Variants in KLF18 observed in about 807,000 individuals in gnomAD.
The protein encoded by KLF18 is KLF transcription factor 18.
rs182198560 is a variant in KLF18 at position 44,139,574 on chromosome 1, C to G, written c.2058G>C (p.Met686Ile). The change falls in exon 1 of 2, where the codon ATG becomes ATC. Residue 686 changes from methionine to isoleucine, a missense_variant. Met to Ile is a conservative substitution (Grantham distance 10). Transcript: ENST00000634670. ...GGGTCTGGTTACTAGTGGAGGTCGT[C>G]ATCTGCCCCCCGTAGAGGGCCTGGT... ...TGNQALYGGQ[M>I]TTSTSNQTLC... The G allele has an allele frequency of 7.2e-3, 2,808 of 387,454 alleles. 94 individuals are homozygous for G. The highest frequency in any genetic ancestry group is 0.054 in the East Asian group (1,390 of 25,878). The allele number at this position is 387,454 out of a possible 1,614,324, so 24.0% of individuals were successfully genotyped here.
At position 44,139,226 on chromosome 1, in the gene KLF18, AGTGGAG is replaced by A. The variant is rs1643203383; in HGVS notation, c.2400_2405del (p.Ser801_Thr802del). 2.5e-6 allele frequency: 1 copy of A among 396,116 alleles called. No homozygotes were observed. The highest frequency in any genetic ancestry group is 2.1e-5 in the African/African-American group (1 of 47,800). The allele number at this position is 396,116 out of a possible 1,614,324, so 24.5% of individuals were successfully genotyped here. A position where few individuals can be genotyped will look rare whatever the true frequency, so the allele number is the denominator to read the frequency against. On this transcript the variant is annotated inframe_deletion, in exon 1 of 2. Coordinates refer to ENST00000634670, the MANE Select transcript of KLF18 (RefSeq NM_001358438.1). Reference sequence around the variant, plus strand: ...GCCCCCTGTAGAGGGCCTGGTTACCAGTGGAGGTCGTCACCTGCTCCCCACAGAGGG... The same window carrying A: ...GCCCCCTGTAGAGGGCCTGGTTACCAGTCGTCACCTGCTCCCCACAGAGGG...
Position 44,138,855 on chromosome 1 carries a change from AATG to A in KLF18, c.2774_2776del (p.Ser925del). On this transcript the variant is annotated inframe_deletion, in exon 1 of 2. Coordinates refer to ENST00000634670, the MANE Select transcript of KLF18 (RefSeq NM_001358438.1). ...AAAGCATAGGAATCCTGGGTATGGC[AATG>A]ATGAGAACTGATGGGACATCATATA... The A allele has an allele frequency of 2.5e-6, 1 of 398,624 alleles. No individual in the cohort carries two copies. Among genetic ancestry groups the A allele is most frequent in the Admixed American group, 4.4e-5 (1 of 22,738 alleles). The allele number at this position is 398,624 out of a possible 1,614,324, so 24.7% of individuals were successfully genotyped here. A position where few individuals can be genotyped will look rare whatever the true frequency, so the allele number is the denominator to read the frequency against.
In KLF18 at chr1:44,140,853, G is replaced by T. The variant is rs1223199676; in HGVS notation, c.779C>A (p.Thr260Asn). The T allele has an allele frequency of 2.8e-5, 11 of 386,624 alleles. No individual in the cohort carries two copies. In the Admixed American group the frequency reaches 5.0e-4, roughly 17 times the overall value. The allele number at this position is 386,624 out of a possible 1,614,324, so 23.9% of individuals were successfully genotyped here. A position where few individuals can be genotyped will look rare whatever the true frequency, so the allele number is the denominator to read the frequency against. Residue 260 changes from threonine to asparagine, a missense_variant, in exon 1 of 2, where the codon ACC becomes AAC. Thr to Asn is a moderately conservative substitution (Grantham distance 65). Transcript: ENST00000634670. ...RQMTTSTGNQTLCGEQMTTST... is the reference protein window; with the variant it reads ...RQMTTSTGNQNLCGEQMTTST... ...GGTTGTCATCTGCTCTCCACAGAGG[G>T]TCTGGTTACCAGTGGAGGTCGTCAT...
rs1287158869 is a variant in KLF18, at chr1:44,141,052, G to A, written c.580C>T (p.Leu194Phe). The change falls in exon 1 of 2, where the codon CTC becomes TTC. Residue 194 changes from leucine to phenylalanine, a missense_variant. Coordinates refer to ENST00000634670, the MANE Select transcript of KLF18 (RefSeq NM_001358438.1). ...DQVTFSSDQT[L>F]TDGHTVTSGS... The stretch of plus-strand genomic sequence containing the variant: ...GAAGTCACTGTATGACCATCAGTGA[G>A]GGTCTGGTCACTACTGAAGGTCACC... 1.0e-5 allele frequency: 4 copies of A among 398,432 alleles called. No individual in the cohort carries two copies. Among genetic ancestry groups the A allele is most frequent in the Admixed American group, 8.8e-5 (2 of 22,702 alleles). The allele number at this position is 398,432 out of a possible 1,614,324, so 24.7% of individuals were successfully genotyped here. A position where few individuals can be genotyped will look rare whatever the true frequency, so the allele number is the denominator to read the frequency against.
Position 44,140,641 on chromosome 1 carries a change from G to A in KLF18, c.991C>T (p.Leu331Phe). The change falls in exon 1 of 2, where the codon CTC (leucine) becomes TTC (phenylalanine). Residue 331 changes from leucine to phenylalanine, a missense_variant. Physicochemically the swap from Leu to Phe is conservative, Grantham distance 22. Transcript: ENST00000634670. ...GAGGTCATCATCTGCCCCCCATAGA[G>A]GTTCTGGTTACCAGTGGAGGTCGTC... Reference protein sequence around the residue: ...QMTTSTGNQNLYGGQMMTSTG... With the variant: ...QMTTSTGNQNFYGGQMMTSTG... The A allele has an allele frequency of 2.6e-6, 1 of 385,528 alleles. No individual in the cohort carries two copies. Among genetic ancestry groups the A allele is most frequent in the Non-Finnish European group, 4.5e-6 (1 of 221,764 alleles). 23.9% of individuals were successfully genotyped at this position (385,528 alleles called of 1,614,324 possible).
Position 44,139,611 on chromosome 1 carries a change from G to T in KLF18, c.2021C>A (p.Thr674Asn). The T allele has an allele frequency of 2.5e-6, 1 of 397,904 alleles. No homozygotes were observed. The highest frequency in any genetic ancestry group is 4.4e-6 in the Non-Finnish European group (1 of 226,156). 24.6% of individuals were successfully genotyped at this position (397,904 alleles called of 1,614,324 possible). Residue 674 changes from threonine to asparagine, a missense_variant, in exon 1 of 2, where the codon ACC (threonine) becomes AAC (asparagine). By Grantham distance (65) the Thr-to-Asn change is moderately conservative. Coordinates refer to ENST00000634670, the MANE Select transcript of KLF18 (RefSeq NM_001358438.1). Reference protein sequence around the residue: ...NQALCGEQMTTSTGNQALYGG... With the variant: ...NQALCGEQMTNSTGNQALYGG... Reference sequence around the variant, plus strand: ...GTAGAGGGCCTGGTTACCAGTGGAGGTTGTCATCTGCTCTCCACAGAGGGC... The same window carrying T: ...GTAGAGGGCCTGGTTACCAGTGGAGTTTGTCATCTGCTCTCCACAGAGGGC...
In KLF18 at chr1:44,137,858, T is replaced by C; in HGVS notation, c.3122A>G (p.Gln1041Arg). 2.5e-6 allele frequency: 1 copy of C among 398,624 alleles called. No homozygotes were observed. The highest frequency in any genetic ancestry group is 3.6e-5 in the East Asian group (1 of 28,062). 24.7% of individuals were successfully genotyped at this position (398,624 alleles called of 1,614,324 possible). Residue 1041 changes from glutamine to arginine, a missense_variant, in exon 2 of 2, where the codon CAG becomes CGG. Transcript: ENST00000634670. ...KNFARSDHLKQHAKVHNIRPG... is the reference protein window; with the variant it reads ...KNFARSDHLKRHAKVHNIRPG... The stretch of plus-strand genomic sequence containing the variant: ...GCGAATGTTGTGGACCTTTGCATGC[T>C]GCTTTAGGTGATCAGATCTTGCAAA...
intron 1 of KLF18, among the ~76,000 whole-genome samples, chr1:44,138,337 A>T (rs1643186062): frequency 6.6e-6 from 1 of 152,184 alleles, no homozygotes; most frequent in South Asian, 2.1e-4. Flanking sequence ...GTCACTACGA[A>T]GTGACGGTCC....
In KLF18 at chr1:44,140,453, C is replaced by T. The variant is rs1643227653; in HGVS notation, c.1179G>A (p.Met393Ile). 6.5e-6 allele frequency: 2 copies of T among 308,400 alleles called. No individual in the cohort carries two copies. Among genetic ancestry groups the T allele is most frequent in the South Asian group, 2.4e-4 (1 of 4,190 alleles). 19.1% of individuals were successfully genotyped at this position (308,400 alleles called of 1,614,324 possible). Residue 393 changes from methionine to isoleucine, a missense_variant, in exon 1 of 2, where the codon ATG becomes ATA. Transcript: ENST00000634670. ...GNQNLYGGQM[M>I]TSTGNQTLYW... Reference sequence around the variant, plus strand: ...AGAGGGTCTGGTTACCAGTGGAGGTCATCATCTGCCCCCCATAGAGGTTCT... The same window carrying T: ...AGAGGGTCTGGTTACCAGTGGAGGTTATCATCTGCCCCCCATAGAGGTTCT...
Position 44,139,181 on chromosome 1 carries a change from AC to A in KLF18, c.2450del (p.Ser817IlefsTer10), listed in dbSNP as rs1643202823. 2.5e-6 allele frequency: 1 copy of A among 395,284 alleles called. No homozygotes were observed. The highest frequency in any genetic ancestry group is 2.1e-5 in the African/African-American group (1 of 47,450). The allele number at this position is 395,284 out of a possible 1,614,324, so 24.5% of individuals were successfully genotyped here. A position where few individuals can be genotyped will look rare whatever the true frequency, so the allele number is the denominator to read the frequency against. On this transcript the variant is annotated frameshift_variant, in exon 1 of 2. Coordinates refer to ENST00000634670, the MANE Select transcript of KLF18 (RefSeq NM_001358438.1). LOFTEE classifies it high-confidence loss of function. ...LYRGQITTST[S>X]NQTLCGEQMT... ...TCTGCTCTCCACAGAGGGTCTGGTTACTAGTGGAGGTCGTGATCTGCCCCCT... is the reference window on the plus strand; with the variant it reads ...TCTGCTCTCCACAGAGGGTCTGGTTATAGTGGAGGTCGTGATCTGCCCCCT...
In KLF18 at chr1:44,138,766, T is replaced by C; in HGVS notation, c.2866A>G (p.Lys956Glu). 2.5e-6 allele frequency: 1 copy of C among 398,666 alleles called. No individual in the cohort carries two copies. The highest frequency in any genetic ancestry group is 4.4e-6 in the Non-Finnish European group (1 of 226,088). 24.7% of individuals were successfully genotyped at this position (398,666 alleles called of 1,614,324 possible). ...TAGGGCCTTGAAACCTCAGGATTCT[T>C]CCAGAACTGGCAGCTCTGTGTCTTC... ...KQKTQSCQFW[K>E]NPEVSRPYVC... The change falls in exon 1 of 2, where the codon AAG (lysine) becomes GAG (glutamate). Residue 956 changes from lysine (K) to glutamate (E), a missense_variant. By Grantham distance (56) the Lys-to-Glu change is moderately conservative. Coordinates refer to ENST00000634670, the MANE Select transcript of KLF18 (RefSeq NM_001358438.1).
At position 44,141,041 on chromosome 1, in the gene KLF18, A is replaced by G. The variant is rs1233087233; in HGVS notation, c.591T>C (p.Gly197=). ...CATCGCTACCGGAAGTCACTGTATGACCATCAGTGAGGGTCTGGTCACTAC... is the reference window on the plus strand; with the variant it reads ...CATCGCTACCGGAAGTCACTGTATGGCCATCAGTGAGGGTCTGGTCACTAC... ...TFSSDQTLTD[G]HTVTSGSDET... The change falls in exon 1 of 2, where the codon GGT becomes GGC. Residue 197 remains glycine, a synonymous_variant. Coordinates refer to ENST00000634670, the MANE Select transcript of KLF18 (RefSeq NM_001358438.1). The G allele has an allele frequency of 2.5e-6, 1 of 398,216 alleles. No homozygotes were observed. Among genetic ancestry groups the G allele is most frequent in the Non-Finnish European group, 4.4e-6 (1 of 226,100 alleles). The allele number at this position is 398,216 out of a possible 1,614,324, so 24.7% of individuals were successfully genotyped here.
Position 44,141,295 on chromosome 1 carries a change from C to T in KLF18, c.337G>A (p.Ala113Thr). 1 of 398,638 alleles carries T rather than the reference C, an allele frequency of 2.5e-6. No homozygotes were observed. The highest frequency in any genetic ancestry group is 4.4e-6 in the Non-Finnish European group (1 of 226,142). 24.7% of individuals were successfully genotyped at this position (398,638 alleles called of 1,614,324 possible). A position where few individuals can be genotyped will look rare whatever the true frequency, so the allele number is the denominator to read the frequency against. Residue 113 changes from alanine to threonine, a missense_variant, in exon 1 of 2, where the codon GCA (alanine) becomes ACA (threonine). By Grantham distance (58) the Ala-to-Thr change is moderately conservative (BLOSUM62 0). Coordinates refer to ENST00000634670, the MANE Select transcript of KLF18 (RefSeq NM_001358438.1). The stretch of plus-strand genomic sequence containing the variant: ...GTAACATCTGTCATCTGGGAGCCTG[C>T]TGTGTGTTTTACCTGATCAAAGGAA... ...VTSFDQVKHT[A>T]GSQMTDVTVT...
rs1643231459 is a variant in KLF18 at position 44,140,715 on chromosome 1, T to A, written c.917A>T (p.Glu306Val). The change falls in exon 1 of 2, where the codon GAG becomes GTG. Residue 306 changes from glutamate to valine, a missense_variant. Glu to Val is a moderately radical substitution (Grantham distance 121, BLOSUM62 -2). Coordinates refer to ENST00000634670, the MANE Select transcript of KLF18 (RefSeq NM_001358438.1). ...TSTSNQTLCG[E>V]QVMTSTGNQA... is the part of the protein sequence containing the mutation. Reference sequence around the variant, plus strand: ...GTTACCAGTGGAGGTCATCACTTGCTCCCCACAGAGGGTCTGGTTACTAGT... The same window carrying A: ...GTTACCAGTGGAGGTCATCACTTGCACCCCACAGAGGGTCTGGTTACTAGT... 2.5e-6 allele frequency: 1 copy of A among 396,550 alleles called. No homozygotes were observed. The highest frequency in any genetic ancestry group is 2.1e-5 in the African/African-American group (1 of 47,732). The allele number at this position is 396,550 out of a possible 1,614,324, so 24.6% of individuals were successfully genotyped here.
Position 44,139,808 on chromosome 1 carries a change from G to T in KLF18, c.1824C>A (p.Asn608Lys). 2.6e-6 allele frequency: 1 copy of T among 379,816 alleles called. No individual in the cohort carries two copies. The highest frequency in any genetic ancestry group is 3.7e-5 in the East Asian group (1 of 26,828). The allele number at this position is 379,816 out of a possible 1,614,324, so 23.5% of individuals were successfully genotyped here. A position where few individuals can be genotyped will look rare whatever the true frequency, so the allele number is the denominator to read the frequency against. ...TCATCTGCCCCCCATAGAGGGCCTG[G>T]TTACCAGTGGAGGTCGTCACCTGCT... ...CGEQVTTSTG[N>K]QALYGGQMMT... The change falls in exon 1 of 2, where the codon AAC becomes AAA. Residue 608 changes from asparagine to lysine, a missense_variant. Coordinates refer to ENST00000634670, the MANE Select transcript of KLF18 (RefSeq NM_001358438.1).
rs1482401430 is a variant in KLF18, at chr1:44,141,524, C to T, written c.108G>A (p.Gln36=). The T allele has an allele frequency of 2.5e-6, 1 of 398,480 alleles. No homozygotes were observed. The allele number at this position is 398,480 out of a possible 1,614,324, so 24.7% of individuals were successfully genotyped here. ...CATGGGCAGTCAGAGGCATACAGTTCTGTGGTTCTGGTGCATCTGGGGTTT... is the reference window on the plus strand; with the variant it reads ...CATGGGCAGTCAGAGGCATACAGTTTTGTGGTTCTGGTGCATCTGGGGTTT... ...QAETPDAPEP[Q]NCMPLTAHAE... The change falls in exon 1 of 2, where the codon CAG becomes CAA. Residue 36 remains glutamine (Q), a synonymous_variant. Coordinates refer to ENST00000634670, the MANE Select transcript of KLF18 (RefSeq NM_001358438.1).
In KLF18 at chr1:44,140,491, A is replaced by C; in HGVS notation, c.1141T>G (p.Ser381Ala). The C allele has an allele frequency of 5.9e-6, 2 of 339,608 alleles. No homozygotes were observed. The highest frequency in any genetic ancestry group is 1.0e-5 in the Non-Finnish European group (2 of 200,660). 21.0% of individuals were successfully genotyped at this position (339,608 alleles called of 1,614,324 possible). A position where few individuals can be genotyped will look rare whatever the true frequency, so the allele number is the denominator to read the frequency against. ...QALCGGQMTT[S>A]TGNQNLYGGQ... Reference sequence around the variant, plus strand: ...CCATAGAGGTTCTGGTTACCAGTGGAGGTCGTCATCTGCCCTCCACAGAGG... The same window carrying C: ...CCATAGAGGTTCTGGTTACCAGTGGCGGTCGTCATCTGCCCTCCACAGAGG... Residue 381 changes from serine (S) to alanine (A), a missense_variant, in exon 1 of 2, where the codon TCC becomes GCC. By Grantham distance (99) the Ser-to-Ala change is moderately conservative. Coordinates refer to ENST00000634670, the MANE Select transcript of KLF18 (RefSeq NM_001358438.1).
At position 44,139,679 on chromosome 1, in the gene KLF18, C is replaced by T. The variant is rs1643214675; in HGVS notation, c.1953G>A (p.Gln651=). 1 of 396,954 alleles carries T rather than the reference C, an allele frequency of 2.5e-6. No individual in the cohort carries two copies. The highest frequency in any genetic ancestry group is 2.1e-5 in the African/African-American group (1 of 47,832). 24.6% of individuals were successfully genotyped at this position (396,954 alleles called of 1,614,324 possible). A position where few individuals can be genotyped will look rare whatever the true frequency, so the allele number is the denominator to read the frequency against. ...TCATCACCTGCTCCTCACAGAGGGT[C>T]TGGTTACTAGTGGAGGTTGTCATCT... ...GEQMTTSTSN[Q]TLCEEQVMTS... Residue 651 remains glutamine, a synonymous_variant, in exon 1 of 2, where the codon CAG becomes CAA. Coordinates refer to ENST00000634670, the MANE Select transcript of KLF18 (RefSeq NM_001358438.1).
In KLF18 at chr1:44,141,423, C is replaced by T. The variant is rs1172848926; in HGVS notation, c.209G>A (p.Cys70Tyr). ...GAGAACTGTCCCAGGGATGTTAGTG[C>T]ATGCAGAAGTCATCATTGTGGACCC... ...PLGSTMMTSA[C>Y]TNIPGTVLTQ... is the part of the protein sequence containing the mutation. Residue 70 changes from cysteine (C) to tyrosine (Y), a missense_variant, in exon 1 of 2, where the codon TGC (cysteine) becomes TAC (tyrosine). By Grantham distance (194) the Cys-to-Tyr change is radical. Transcript: ENST00000634670. 2 of 398,450 alleles carry T rather than the reference C, an allele frequency of 5.0e-6. No homozygotes were observed. The highest frequency in any genetic ancestry group is 8.8e-6 in the Non-Finnish European group (2 of 226,110). 24.7% of individuals were successfully genotyped at this position (398,450 alleles called of 1,614,324 possible).
Sources: allele counts gnomAD v4.1 joint callset (sites outside exome capture counted in the v4.1 genomes callset), GRCh38; gene constraint gnomAD v4.1.1; transcripts MANE v1.5; gene names NCBI Gene and HGNC (gene_info 2026-07-23, HGNC 2026-07-21).